The following ARHGAP6 variants were observed in gnomAD, a reference collection of about 807,000 sequenced individuals.
The protein encoded by ARHGAP6 is Rho GTPase activating protein 6.
Under a neutral mutation model 55.7 loss-of-function variants are expected in ARHGAP6, and 16 were observed. The observed-to-expected ratio is 0.29, with a 90% CI of 0.19 to 0.44. The LOEUF (loss-of-function observed/expected upper bound fraction) is 0.44, where lower values mean the gene tolerates loss of function less well. Among genes scored for constraint, ARHGAP6 ranks in the 20% least tolerant of loss-of-function variants. ARHGAP6 has a pLI of 1.00. For missense variants in ARHGAP6, 698 were observed against 808.9 expected, an observed-to-expected ratio of 0.86 and a Z score of 1.66; for synonymous variants, 382 against 360.9, an observed-to-expected ratio of 1.06 and a Z score of -0.66.
At chrX:11,526,844 CATTAT>C (rs771656858) in intron 1 of ARHGAP6, among the ~76,000 whole-genome samples, 11 of 111,545 alleles carry the variant, frequency 9.9e-5, no homozygotes, top group African/African-American at 2.9e-4. Flanking sequence ...TAATTTCTGT[CATTAT>C]ATTATATCAG....
At chrX:11,474,287 C>T (rs2050381182) in intron 1 of ARHGAP6, among the ~76,000 whole-genome samples, 1 of 112,102 alleles carries the variant, frequency 8.9e-6, no homozygotes, top group South Asian at 3.7e-4. Context: ...CTGTCTACAG[C>T]GTTATCTATT....
At chrX:11,519,502 A>C (rs1435508577) in intron 1 of ARHGAP6, among the ~76,000 whole-genome samples, 1 of 110,029 alleles carries the variant, frequency 9.1e-6, no homozygotes, top group Middle Eastern at 4.6e-3. Flanking sequence ...TGTAAATTTG[A>C]TTGAGTTCAT....
chrX:11,500,834 G>A (rs2050671206), intron 1 of ARHGAP6, among the ~76,000 whole-genome samples: 1 of 110,480 alleles, frequency 9.1e-6, no homozygotes, highest in Non-Finnish European at 1.9e-5. Flanking sequence ...ACTCTCTCTT[G>A]TAAGCTCTAT....
rs758023375 is a variant in ARHGAP6, at chrX:11,254,638, A to G, written c.658T>C (p.Ser220Pro). 1 of 1,205,456 alleles carries G rather than the reference A, an allele frequency of 8.3e-7. No homozygotes were observed. The highest frequency in any genetic ancestry group is 1.8e-5 in the South Asian group (1 of 56,582). ...RLRSVPIQSL[S>P]ELERARLQEV... The stretch of plus-strand genomic sequence containing the variant: ...TGCAGCCGGGCCCTCTCCAGCTCTG[A>G]GAGACTCTGGATGGGGACTGACCTC... Residue 220 changes from serine (S) to proline (P), a missense_variant, in exon 2 of 13, where the codon TCA (serine) becomes CCA (proline). Transcript: ENST00000337414.
At chrX:11,412,039 A>G (rs1362188450) in intron 1 of ARHGAP6, among the ~76,000 whole-genome samples, 1 of 111,662 alleles carries the variant, frequency 9.0e-6, no homozygotes, top group African/African-American at 3.3e-5. Flanking sequence ...ACACACAGAT[A>G]GAAAAAGATA....
chrX:11,449,128 C>A (rs533016354), intron 1 of ARHGAP6, among the ~76,000 whole-genome samples: 2 of 111,636 alleles, frequency 1.8e-5, no homozygotes, highest in African/African-American at 6.5e-5. Context: ...CCACCTTTGG[C>A]CCCTAACCCA....
chrX:11,525,783 G>T (rs2147883349), intron 1 of ARHGAP6, among the ~76,000 whole-genome samples: 1 of 111,552 alleles, frequency 9.0e-6, no homozygotes, highest in East Asian at 2.8e-4. Context: ...TATTTATAAT[G>T]ACCAAAATTT....
At chrX:11,661,791 G>C (rs1307260263) in intron 1 of ARHGAP6, among the ~76,000 whole-genome samples, 1 of 112,073 alleles carries the variant, frequency 8.9e-6, no homozygotes, top group Non-Finnish European at 1.9e-5. Flanking sequence ...GGCCAGCATG[G>C]GGTACTATGG....
chrX:11,501,598 A>C (rs982420467), intron 1 of ARHGAP6, among the ~76,000 whole-genome samples: 1 of 111,870 alleles, frequency 8.9e-6, no homozygotes, highest in African/African-American at 3.2e-5. Flanking sequence ...TTGACTCCCC[A>C]AAAACTTTAC....
At chrX:11,358,184 G>A (rs1280056522) in intron 1 of ARHGAP6, among the ~76,000 whole-genome samples, 1 of 111,686 alleles carries the variant, frequency 9.0e-6, no homozygotes, top group African/African-American at 3.3e-5. Context: ...TAACATTTTC[G>A]AGGTTTGCAT....
chrX:11,630,610 T>C, intron 1 of ARHGAP6, among the ~76,000 whole-genome samples: 1 of 106,970 alleles, frequency 9.3e-6, no homozygotes, highest in South Asian at 4.2e-4. Context: ...GAGTTAATGA[T>C]GAATGAAAGG....
intron 1 of ARHGAP6, among the ~76,000 whole-genome samples, chrX:11,382,823 T>C (rs2049278122): frequency 8.9e-6 from 1 of 111,987 alleles, no homozygotes; most frequent in Non-Finnish European, 1.9e-5. Flanking sequence ...ACAACAAAAT[T>C]ACAAATGAAA....
intron 1 of ARHGAP6, among the ~76,000 whole-genome samples, chrX:11,474,804 G>A (rs962174443): frequency 2.7e-5 from 3 of 110,943 alleles, no homozygotes; most frequent in Admixed American, 9.6e-5. Flanking sequence ...TGCCATTTTT[G>A]CAGTAGTGAG....
intron 2 of ARHGAP6, among the ~76,000 whole-genome samples, chrX:11,201,989 CTGTG>C (rs56023548): frequency 0.03 from 1,985 of 65,486 alleles, 29 homozygotes; most frequent in South Asian, 0.054. Context: ...GCATCTGGAT[CTGTG>C]TGTGTGTGTG....
At chrX:11,470,243 G>A (rs1015925909) in intron 1 of ARHGAP6, among the ~76,000 whole-genome samples, 4 of 111,913 alleles carry the variant, frequency 3.6e-5, no homozygotes, top group Non-Finnish European at 7.5e-5. Context: ...AAGACCTCTC[G>A]TATTTCATTT....
intron 1 of ARHGAP6, among the ~76,000 whole-genome samples, chrX:11,268,892 C>T (rs1183631728): frequency 9.0e-6 from 1 of 111,397 alleles, no homozygotes; most frequent in Non-Finnish European, 1.9e-5. Flanking sequence ...TCATAGGACC[C>T]TTGAGCCCCC....
intron 1 of ARHGAP6, among the ~76,000 whole-genome samples, chrX:11,271,645 C>T (rs1034856510): frequency 1.8e-5 from 2 of 111,652 alleles, no homozygotes; most frequent in East Asian, 2.8e-4. Context: ...ATGAGCCTCT[C>T]GGTTTTACTG....
At chrX:11,358,974 G>C (rs1299089314) in intron 1 of ARHGAP6, among the ~76,000 whole-genome samples, 1 of 112,101 alleles carries the variant, frequency 8.9e-6, no homozygotes, top group Non-Finnish European at 1.9e-5. Flanking sequence ...CCTAAAGAAA[G>C]TTAAATCCTA....
At chrX:11,196,713 T>A (rs980795995) in intron 3 of ARHGAP6, among the ~76,000 whole-genome samples, 1 of 111,452 alleles carries the variant, frequency 9.0e-6, no homozygotes, top group Non-Finnish European at 1.9e-5. Context: ...GAGGTCACAC[T>A]CTCCTCAAAC....
Sources: gnomAD v4.1 joint callset for allele counts (sites outside exome capture counted in the v4.1 genomes callset) on GRCh38, gnomAD v4.1.1 for gene constraint, MANE v1.5 for transcripts, NCBI Gene and HGNC (gene_info 2026-07-23, HGNC 2026-07-21) for gene names.